Variants in BRD10 observed in about 807,000 individuals in gnomAD.
The protein encoded by BRD10 is bromodomain containing 10.
the BRD10 span, chr9:5,967,962 G>A: frequency 8.7e-7 from 1 of 1,148,326 alleles, no homozygotes; most frequent in East Asian, 2.6e-5. Flanking sequence ...ATGCATAATG[G>A]AAAAAACAAT....
At chr9:5,931,940 G>A in the BRD10 span, among the ~76,000 whole-genome samples, 2 of 152,046 alleles carry the variant, frequency 1.3e-5, no homozygotes, top group East Asian at 3.9e-4. Context: ...AGAGTAAAAG[G>A]GAAACTCACA....
chr9:5,966,140 A>G, the BRD10 span, among the ~76,000 whole-genome samples: 1 of 152,152 alleles, frequency 6.6e-6, no homozygotes, highest in African/African-American at 2.4e-5. Flanking sequence ...CTTTTCTTCT[A>G]TTTCATGCAT....
chr9:5,921,437 G>T, the BRD10 span: 5 of 1,613,908 alleles, frequency 3.1e-6, no homozygotes, highest in Non-Finnish European at 4.2e-6. Flanking sequence ...AACAAGAGTT[G>T]GGGTTGATGT....
the BRD10 span, chr9:5,920,632 G>A: frequency 6.2e-7 from 1 of 1,613,964 alleles, no homozygotes; most frequent in South Asian, 1.1e-5. Flanking sequence ...CTGGTGAATG[G>A]AACTGGAGTG....
chr9:5,929,439 T>A, the BRD10 span, among the ~76,000 whole-genome samples: 1 of 152,172 alleles, frequency 6.6e-6, no homozygotes, highest in East Asian at 1.9e-4. Flanking sequence ...TTTTAATAAA[T>A]CATTTGTTAA....
the BRD10 span, among the ~76,000 whole-genome samples, chr9:5,957,116 T>C: frequency 1.3e-5 from 2 of 152,088 alleles, no homozygotes; most frequent in Admixed American, 1.3e-4. Flanking sequence ...AGTAAGAAGA[T>C]TAACATTTAT....
chr9:5,926,650 G>T, the BRD10 span, among the ~76,000 whole-genome samples: 1 of 152,024 alleles, frequency 6.6e-6, no homozygotes, highest in Non-Finnish European at 1.5e-5. Context: ...TCCTGCTTCA[G>T]CCTCCTGAGT....
the BRD10 span, among the ~76,000 whole-genome samples, chr9:5,976,539 T>C: frequency 1.3e-5 from 2 of 152,212 alleles, no homozygotes; most frequent in African/African-American, 4.8e-5. Context: ...ATCCTGACTA[T>C]GAGCTCACTA....
chr9:5,942,625 TTTAAA>T, the BRD10 span, among the ~76,000 whole-genome samples: 2 of 152,164 alleles, frequency 1.3e-5, no homozygotes, highest in South Asian at 4.1e-4. Context: ...TTTTAAACAG[TTTAAA>T]TTAAGGAGAA....
the BRD10 span, among the ~76,000 whole-genome samples, chr9:5,997,401 G>A: frequency 2.7e-5 from 4 of 150,758 alleles, no homozygotes; most frequent in East Asian, 5.8e-4. Flanking sequence ...TTATTTAAAA[G>A]CCACATATCT....
chr9:5,971,094 G>C, the BRD10 span, among the ~76,000 whole-genome samples: 1 of 133,524 alleles, frequency 7.5e-6, no homozygotes, highest in Non-Finnish European at 1.6e-5. Flanking sequence ...AAAGAAACTT[G>C]AACTTGAATA....
chr9:5,983,815 A>G, the BRD10 span, among the ~76,000 whole-genome samples: 6 of 152,144 alleles, frequency 3.9e-5, no homozygotes, highest in Non-Finnish European at 7.4e-5. Flanking sequence ...AAGGCAGTTA[A>G]GAGAAATAAG....
chr9:5,937,307 C>T, the BRD10 span, among the ~76,000 whole-genome samples: 84 of 151,312 alleles, frequency 5.6e-4, no homozygotes, highest in Non-Finnish European at 1.0e-3. Flanking sequence ...GAGGCCGAGG[C>T]GGGTGGATCA....
the BRD10 span, among the ~76,000 whole-genome samples, chr9:5,998,054 G>A: frequency 6.6e-6 from 1 of 152,118 alleles, no homozygotes; most frequent in Non-Finnish European, 1.5e-5. Context: ...TATTTTTTTG[G>A]CTAGAGCAAT....
chr9:5,932,621 G>C, the BRD10 span, among the ~76,000 whole-genome samples: 2 of 152,076 alleles, frequency 1.3e-5, no homozygotes, highest in Non-Finnish European at 2.9e-5. Flanking sequence ...TTTTATATAA[G>C]GCACTCGAAC....
chr9:5,952,763 G>A, the BRD10 span, among the ~76,000 whole-genome samples: 1 of 152,152 alleles, frequency 6.6e-6, no homozygotes, highest in African/African-American at 2.4e-5. Context: ...AACAAAAGTC[G>A]GAGAAATAGT....
the BRD10 span, chr9:5,920,375 TG>T: frequency 2.5e-6 from 4 of 1,613,978 alleles, no homozygotes; most frequent in Non-Finnish European, 3.4e-6. Context: ...GACTATTTTT[TG>T]CTGAATACAA....
chr9:5,942,141 C>G, the BRD10 span, among the ~76,000 whole-genome samples: 1 of 151,972 alleles, frequency 6.6e-6, no homozygotes, highest in Admixed American at 6.6e-5. Context: ...CAGTGAAATA[C>G]TCTTATGAAG....
the BRD10 span, among the ~76,000 whole-genome samples, chr9:5,906,188 A>G: frequency 1.4e-5 from 2 of 146,016 alleles, no homozygotes; most frequent in Admixed American, 6.8e-5. Context: ...ATGTCTCTTA[A>G]AAAAAAAAAA....
Sources: allele counts gnomAD v4.1 joint callset (sites outside exome capture counted in the v4.1 genomes callset), GRCh38; gene constraint gnomAD v4.1.1; transcripts MANE v1.5; gene names NCBI Gene and HGNC (gene_info 2026-07-23, HGNC 2026-07-21).